Variants in RNLS observed in about 807,000 individuals in gnomAD.
RNLS encodes renalase, FAD dependent amine oxidase.
RNLS carries 39 observed loss-of-function variants against 39.8 expected under a neutral mutation model. The observed-to-expected ratio is 0.98, with a 90% confidence interval of 0.76 to 1.28. RNLS has a LOEUF of 1.28. RNLS is among the 50% of genes most tolerant of loss of function. The pLI is 0.00. For missense variants in RNLS, 410 were observed against 413.3 expected (o/e 0.99, Z 0.07); for synonymous variants, 147 against 150.7 (o/e 0.98, Z 0.18).
chr10:88,388,528 C>T (rs1589709906), intron 4 of RNLS, among the ~76,000 whole-genome samples: 1 of 152,124 alleles, frequency 6.6e-6, no homozygotes, highest in Admixed American at 6.6e-5. Flanking sequence ...TATCAGAACA[C>T]AGCACAGTCT....
chr10:88,536,144 T>C (rs183278100), intron 4 of RNLS, among the ~76,000 whole-genome samples: 2 of 152,256 alleles, frequency 1.3e-5, no homozygotes, highest in African/African-American at 2.4e-5. Flanking sequence ...TCCTTGGCCA[T>C]ATACTGGGTA....
intron 4 of RNLS, among the ~76,000 whole-genome samples, chr10:88,438,252 G>C (rs373083442): frequency 1.2e-3 from 185 of 152,220 alleles, no homozygotes; most frequent in African/African-American, 4.1e-3. Context: ...CAGGCAGAGG[G>C]CAAAATTGAC....
intron 5 of RNLS, among the ~76,000 whole-genome samples, chr10:88,337,290 T>G (rs945541450): frequency 3.9e-5 from 6 of 152,172 alleles, no homozygotes; most frequent in Non-Finnish European, 8.8e-5. Flanking sequence ...GAGGACCAGA[T>G]GAGAGAACGT....
chr10:88,372,193 C>T (rs1850611322), intron 4 of RNLS, among the ~76,000 whole-genome samples: 1 of 152,120 alleles, frequency 6.6e-6, no homozygotes, highest in Admixed American at 6.6e-5. Context: ...ATTGTAAAGG[C>T]TCAAACTGTT....
chr10:88,546,683 T>C (rs1486302526), intron 4 of RNLS, among the ~76,000 whole-genome samples: 1 of 152,150 alleles, frequency 6.6e-6, no homozygotes, highest in African/African-American at 2.4e-5. Context: ...AATAGAAATT[T>C]TGTAATCTCA....
intron 5 of RNLS, among the ~76,000 whole-genome samples, chr10:88,342,846 CA>C (rs879903176): frequency 3.3e-5 from 5 of 152,038 alleles, no homozygotes; most frequent in Non-Finnish European, 5.9e-5. Context: ...ATAGTGAGAT[CA>C]GGGGTTGGCA....
At chr10:88,451,254 G>A (rs2133895565) in intron 4 of RNLS, among the ~76,000 whole-genome samples, 1 of 152,292 alleles carries the variant, frequency 6.6e-6, no homozygotes, top group African/African-American at 2.4e-5. Flanking sequence ...CTTCTGGTAT[G>A]CACACTCCTC....
At chr10:88,579,921 A>T (rs975609406) in intron 3 of RNLS, among the ~76,000 whole-genome samples, 1 of 152,208 alleles carries the variant, frequency 6.6e-6, no homozygotes, top group African/African-American at 2.4e-5. Flanking sequence ...TCATCCAATC[A>T]GTTGAAGGCC....
In RNLS at chr10:88,330,123, T is replaced by TAC. The variant is rs575605630; in HGVS notation, c.701-15484_701-15483dup. 4.2e-3 allele frequency among the ~76,000 whole-genome samples: 626 copies of TAC among 147,408 alleles called. 4 individuals are homozygous for TAC. Among genetic ancestry groups the TAC allele is most frequent in the African/African-American group, 0.015 (590 of 40,492 alleles). ...AATATATATACACACACTATATATATACACACACACACAATTTTATATTAT... is the reference window on the plus strand; with the variant it reads ...AATATATATACACACACTATATATATACACACACACACACAATTTTATATTAT... On this transcript the variant is annotated intron_variant, in intron 5 of 6. Coordinates refer to ENST00000331772, the MANE Select transcript of RNLS (RefSeq NM_001031709.3).
the RNLS span, among the ~76,000 whole-genome samples, chr10:88,213,396 C>T: frequency 6.6e-6 from 1 of 151,736 alleles, no homozygotes; most frequent in Non-Finnish European, 1.5e-5. Flanking sequence ...TATTTCTGGC[C>T]CTACAGGCAC....
rs145264640 is a variant in RNLS at position 88,375,213 on chromosome 10, C to A, written c.527-12488G>T. Among the ~76,000 whole-genome samples the A allele has an allele frequency of 1.9e-4, 29 of 152,094 alleles. No individual in the cohort carries two copies. The East Asian group carries it at 1.9e-3, about 10-fold the overall frequency. ...AACAACAGAACAAAACAACCCCTAG[C>A]TTCAAAGAGAACAAAAAAACCCCAA... is the stretch of plus-strand genomic sequence containing the variant. On this transcript the variant is annotated intron_variant, in intron 4 of 6. Coordinates refer to ENST00000331772, the MANE Select transcript of RNLS (RefSeq NM_001031709.3).
intron 4 of RNLS, among the ~76,000 whole-genome samples, chr10:88,451,377 A>G (rs1405825561): frequency 6.6e-6 from 1 of 152,074 alleles, no homozygotes; most frequent in Non-Finnish European, 1.5e-5. Context: ...CTGTGAGAGA[A>G]GCCCCCACCG....
chr10:88,514,471 A>G (rs571836908), intron 4 of RNLS, among the ~76,000 whole-genome samples: 1 of 152,184 alleles, frequency 6.6e-6, no homozygotes, highest in African/African-American at 2.4e-5. Context: ...GTACAATACA[A>G]TATTGTTAAC....
chr10:88,568,814 C>T (rs980865050), intron 4 of RNLS, among the ~76,000 whole-genome samples: 18 of 152,138 alleles, frequency 1.2e-4, no homozygotes, highest in African/African-American at 4.3e-4. Context: ...AAGATACATT[C>T]GTTGCTCTGT....
chr10:88,427,568 A>G lies in RNLS; in HGVS notation c.527-64843T>C, dbSNP rs115306259. On this transcript the variant is annotated intron_variant, in intron 4 of 6. Coordinates refer to ENST00000331772, the MANE Select transcript of RNLS (RefSeq NM_001031709.3). ...TCATATCTCTTTTCAAGTTCAAAGA[A>G]CAGAAAACCATAATCAACTATAGTA... Among the ~76,000 whole-genome samples, 829 of 152,154 alleles carry G rather than the reference A, an allele frequency of 5.4e-3. 5 individuals are homozygous for G. The highest frequency in any genetic ancestry group is 0.019 in the African/African-American group (784 of 41,546).
intron 5 of RNLS, among the ~76,000 whole-genome samples, chr10:88,328,684 C>T (rs557435225): frequency 1.3e-5 from 2 of 152,108 alleles, no homozygotes; most frequent in East Asian, 1.9e-4. Flanking sequence ...TACCTTTATC[C>T]TTCTCCTAAA....
intron 6 of RNLS, among the ~76,000 whole-genome samples, chr10:88,307,356 A>G (rs1302578375): frequency 5.9e-5 from 9 of 152,248 alleles, no homozygotes; most frequent in Admixed American, 5.9e-4. Flanking sequence ...AATAAGGGAC[A>G]TCCAAATAGG....
chr10:88,406,311 A>T (rs1041943307), intron 4 of RNLS, among the ~76,000 whole-genome samples: 2 of 152,048 alleles, frequency 1.3e-5, no homozygotes, highest in South Asian at 2.1e-4. Flanking sequence ...TACCCCCCAA[A>T]TATGTTTTCT....
At chr10:88,209,447 G>A in the RNLS span, among the ~76,000 whole-genome samples, 3 of 152,126 alleles carry the variant, frequency 2.0e-5, no homozygotes, top group African/African-American at 7.2e-5. Flanking sequence ...TACAAGCCAG[G>A]GAATGTCAAG....
Sources: gnomAD v4.1 joint callset for allele counts (sites outside exome capture counted in the v4.1 genomes callset) on GRCh38, gnomAD v4.1.1 for gene constraint, MANE v1.5 for transcripts, NCBI Gene and HGNC (gene_info 2026-07-23, HGNC 2026-07-21) for gene names.